The following OGDHL variants were observed in gnomAD, a reference collection of about 807,000 sequenced individuals.
OGDHL encodes the protein 2-oxoglutarate dehydrogenase-like, mitochondrial.
Under a neutral mutation model 109.6 loss-of-function variants are expected in OGDHL, and 79 were observed. The ratio of observed to expected loss-of-function variants is 0.72; its 90% CI spans 0.60 to 0.87. The LOEUF (loss-of-function observed/expected upper bound fraction) is 0.87, where lower values mean the gene tolerates loss of function less well. OGDHL is among the 40% of genes least tolerant of loss of function. OGDHL has a pLI of 0.00. For synonymous variants in OGDHL, 528 were observed against 537.2 expected, an observed-to-expected ratio of 0.98 and a Z score of 0.24; for missense variants, 1,275 against 1,362.2, an observed-to-expected ratio of 0.94 and a Z score of 1.01.
intron 15 of OGDHL, among the ~76,000 whole-genome samples, chr10:49,741,779 TCACACATAC>T (rs932679223): frequency 9.9e-6 from 1 of 101,420 alleles, no homozygotes; most frequent in Non-Finnish European, 2.0e-5. Context: ...TACACACACA[TCACACATAC>T]CACACATACA....
intron 14 of OGDHL, 91 bp from the exon 15 acceptor site, chr10:49,743,069 G>A: frequency 1.4e-6 from 2 of 1,470,396 alleles, no homozygotes. Flanking sequence ...GCACAAAGCA[G>A]GGCAGCCATC....
chr10:49,745,141 G>A (rs919836607), intron 12 of OGDHL, among the ~76,000 whole-genome samples: 2 of 152,246 alleles, frequency 1.3e-5, no homozygotes, highest in African/African-American at 4.8e-5. Flanking sequence ...CCACATTGCA[G>A]TACCCACTGT....
intron 11 of OGDHL, 22 bp from the exon 12 acceptor site, chr10:49,745,518 C>T (rs775214131): frequency 6.2e-7 from 1 of 1,612,864 alleles, no homozygotes; most frequent in Admixed American, 1.7e-5. Flanking sequence ...GCCAGAGGGG[C>T]TCAGGCCCTT....
intron 1 of OGDHL, among the ~76,000 whole-genome samples, chr10:49,759,342 G>A (rs1268694548): frequency 2.0e-5 from 3 of 151,972 alleles, no homozygotes; most frequent in Non-Finnish European, 4.4e-5. Flanking sequence ...CCAGCCCAGC[G>A]CCACTCAAGA....
At chr10:49,761,671 C>A (rs1843291714) in intron 1 of OGDHL, among the ~76,000 whole-genome samples, 1 of 152,220 alleles carries the variant, frequency 6.6e-6, no homozygotes, top group African/African-American at 2.4e-5. Context: ...CTGCTGTGGC[C>A]TCGGGATTAC....
chr10:49,744,958 A>T (rs1012339042), intron 12 of OGDHL, among the ~76,000 whole-genome samples: 1 of 152,220 alleles, frequency 6.6e-6, no homozygotes, highest in Non-Finnish European at 1.5e-5. Context: ...GCAGGCCTGC[A>T]GTGCGCTCAG....
intron 16 of OGDHL, 117 bp from the exon 17 acceptor site, chr10:49,739,956 C>A: frequency 9.5e-7 from 1 of 1,048,900 alleles, no homozygotes; most frequent in Non-Finnish European, 1.4e-6. Flanking sequence ...TCTCACAAGC[C>A]AGGACGAACC....
intron 1 of OGDHL, among the ~76,000 whole-genome samples, chr10:49,760,787 G>A (rs1843225343): frequency 6.6e-6 from 1 of 152,236 alleles, no homozygotes; most frequent in South Asian, 2.1e-4. Context: ...TCCAGCGACT[G>A]TGCCCTGATC....
At chr10:49,748,742 CCACACACACACACA>C (rs3223401) in intron 8 of OGDHL, among the ~76,000 whole-genome samples, 64 of 133,954 alleles carry the variant, frequency 4.8e-4, no homozygotes, top group East Asian at 2.7e-3. Flanking sequence ...AGGTATGGGT[CCACACACACACACA>C]CACACACACA....
chr10:49,761,300 C>A (rs1352395848), intron 1 of OGDHL, among the ~76,000 whole-genome samples: 1 of 152,190 alleles, frequency 6.6e-6, no homozygotes, highest in Non-Finnish European at 1.5e-5. Context: ...AACCCAACCC[C>A]AGAAAACTGC....
upstream of OGDHL, chr10:49,762,337 G>A (rs765057742): frequency 6.6e-6 from 1 of 152,158 alleles, no homozygotes; most frequent in Non-Finnish European, 1.5e-5. Context: ...AATTACCTGG[G>A]TCACGTGACG....
intron 17 of OGDHL, chr10:49,739,329 C>T (rs1841460235): frequency 7.8e-6 from 2 of 258,048 alleles, no homozygotes; most frequent in African/African-American, 2.2e-5. Flanking sequence ...TACTCCCCAG[C>T]TCTGTGCCTC....
At chr10:49,745,223 A>G in intron 12 of OGDHL, 121 bp downstream of exon 12, 3 of 1,292,546 alleles carry the variant, frequency 2.3e-6, no homozygotes, top group Non-Finnish European at 3.2e-6. Flanking sequence ...GGGGACAAGG[A>G]CCATAGTGGC....
intron 9 of OGDHL, 54 bp from the exon 10 acceptor site, chr10:49,746,932 A>G: frequency 3.1e-6 from 5 of 1,612,716 alleles, no homozygotes; most frequent in Non-Finnish European, 4.2e-6. Context: ...CATGTAGCCC[A>G]GCCGGCACCT....
intron 14 of OGDHL, among the ~76,000 whole-genome samples, 157 bp from the exon 15 acceptor site, chr10:49,743,135 C>G (rs1419556114): frequency 6.6e-6 from 1 of 152,240 alleles, no homozygotes; most frequent in African/African-American, 2.4e-5. Flanking sequence ...CCAGGCACCC[C>G]TCCTCCAGCT....
Position 49,736,392 on chromosome 10 carries a change from G to A in OGDHL, c.2719C>T (p.Leu907=). The change falls in exon 21 of 23, where the codon CTG becomes TTG. Residue 907 remains leucine (L), a synonymous_variant. Transcript: ENST00000374103. The part of the protein sequence containing the change: ...DLVKERSSQD[L]EEKVAITRLE... ...CGCGTGATGGCCACTTTCTCCTCCA[G>A]GTCCTGGCTGCTCCGCTCCTTCACC... The A allele has an allele frequency of 6.2e-7, 1 of 1,614,188 alleles. No individual in the cohort carries two copies. The highest frequency in any genetic ancestry group is 8.5e-7 in the Non-Finnish European group (1 of 1,180,042).
intron 15 of OGDHL, 151 bp from the exon 16 acceptor site, chr10:49,740,988 C>T (rs1386055335): frequency 9.9e-7 from 1 of 1,009,550 alleles, no homozygotes; most frequent in Admixed American, 2.3e-5. Context: ...TCCAAGAAGG[C>T]TGTGGAAAAC....
chr10:49,761,385 C>T (rs1412314121), intron 1 of OGDHL, among the ~76,000 whole-genome samples: 1 of 152,232 alleles, frequency 6.6e-6, no homozygotes, highest in East Asian at 1.9e-4. Flanking sequence ...CTCCCTAATG[C>T]ACCCATTGCA....
chr10:49,742,267 A>C (rs1036148688), intron 15 of OGDHL, among the ~76,000 whole-genome samples: 27 of 136,586 alleles, frequency 2.0e-4, no homozygotes, highest in African/African-American at 7.4e-4. Flanking sequence ...CCCCATACAC[A>C]CTCAACACAC....
Sources: allele counts gnomAD v4.1 joint callset (sites outside exome capture counted in the v4.1 genomes callset), GRCh38; gene constraint gnomAD v4.1.1; transcripts MANE v1.5; gene names NCBI Gene and HGNC (gene_info 2026-07-23, HGNC 2026-07-21).